Variants in ACTN2 observed in about 807,000 individuals in gnomAD.
ACTN2 encodes actinin alpha 2.
A neutral mutation model predicts 113.8 loss-of-function variants in ACTN2; 39 were observed. That is an observed-to-expected ratio of 0.34 (90% CI 0.27 to 0.45). ACTN2 has a LOEUF of 0.45. Among genes scored for constraint, ACTN2 ranks in the 20% least tolerant of loss-of-function variants. The probability of loss-of-function intolerance (pLI) is 1.00; values close to 1 mark genes in which losing one functional copy is unlikely to be tolerated. For synonymous variants in ACTN2, 429 were observed against 444.1 expected (o/e 0.97, Z 0.43); for missense variants, 992 against 1,177.9 (o/e 0.84, Z 2.31).
At chr1:236,742,457 C>T (rs976339671) in intron 10 of ACTN2, among the ~76,000 whole-genome samples, 1 of 152,062 alleles carries the variant, frequency 6.6e-6, no homozygotes, top group Admixed American at 6.5e-5. Flanking sequence ...GTAATCCCGG[C>T]TACAGGGGAG....
intron 1 of ACTN2, among the ~76,000 whole-genome samples, chr1:236,704,481 C>A (rs1657767268): frequency 6.6e-6 from 1 of 152,188 alleles, no homozygotes; most frequent in South Asian, 2.1e-4. Context: ...GACTGCCCCC[C>A]TTCAGACACC....
At position 236,762,628 on chromosome 1, in the gene ACTN2, T is replaced by G; in HGVS notation, c.*9T>G. 1 of 1,613,648 alleles carries G rather than the reference T, an allele frequency of 6.2e-7. No individual in the cohort carries two copies. The highest frequency in any genetic ancestry group is 8.5e-7 in the Non-Finnish European group (1 of 1,179,800). On this transcript the variant is annotated 3_prime_UTR_variant, in exon 21 of 21. Coordinates refer to ENST00000366578, the MANE Select transcript of ACTN2 (RefSeq NM_001103.4). ...GGGAGAGCGATCTGTGATGCTGAGCTTCTGTAATCACTCATCCCATCAGAA... is the reference window on the plus strand; with the variant it reads ...GGGAGAGCGATCTGTGATGCTGAGCGTCTGTAATCACTCATCCCATCAGAA...
chr1:236,719,435 G>A (rs955541843), intron 3 of ACTN2, among the ~76,000 whole-genome samples: 2 of 152,144 alleles, frequency 1.3e-5, no homozygotes, highest in East Asian at 1.9e-4. Context: ...TGTCAGCTGC[G>A]GAATGCCGTA....
At chr1:236,709,452 A>G (rs918234748) in intron 1 of ACTN2, among the ~76,000 whole-genome samples, 1 of 150,654 alleles carries the variant, frequency 6.6e-6, no homozygotes, top group African/African-American at 2.4e-5. Flanking sequence ...CAGAAATACA[A>G]TTCGAGTTCT....
rs957177731 is a variant in ACTN2, at chr1:236,686,580, G to T, written c.-94G>T. ...GCGCGAAGGTCACCCCGCGCCCGCC[G>T]CCCGCCGCCCGCCGCCTCCGTGGGT... On this transcript the variant is annotated 5_prime_UTR_variant, in exon 1 of 21. Transcript: ENST00000366578. 6.7e-5 allele frequency: 91 copies of T among 1,348,888 alleles called. 3 individuals are homozygous for T. The Admixed American group carries it at 1.1e-3, about 17-fold the overall frequency. 83.6% of individuals were successfully genotyped at this position (1,348,888 alleles called of 1,614,324 possible).
Position 236,754,911 on chromosome 1 carries a change from C to T in ACTN2, c.1975-108C>T, listed in dbSNP as rs147972685. ...CCGAGTGACACTGGCCGCTGCCTGACGCTGGCCTAGCATCCCATGCAGGGT... is the reference window on the plus strand; with the variant it reads ...CCGAGTGACACTGGCCGCTGCCTGATGCTGGCCTAGCATCCCATGCAGGGT... On this transcript the variant is annotated intron_variant, in intron 16 of 20. Coordinates refer to ENST00000366578, the MANE Select transcript of ACTN2 (RefSeq NM_001103.4). This position sits in a 1 kb window ranked among gnomAD's most constrained non-coding sequence, Gnocchi z 4.9. The T allele has an allele frequency of 3.0e-4, 400 of 1,333,254 alleles. 5 individuals are homozygous for T. In the East Asian group the frequency reaches 8.0e-3, roughly 27 times the overall value. 82.6% of individuals were successfully genotyped at this position (1,333,254 alleles called of 1,614,324 possible).
chr1:236,692,260 T>C (rs1252318771), intron 1 of ACTN2, among the ~76,000 whole-genome samples: 1 of 152,230 alleles, frequency 6.6e-6, no homozygotes, highest in Admixed American at 6.5e-5. Context: ...TAGGCTGTGG[T>C]ATAAATCCAA....
At chr1:236,706,381 C>A (rs148284677) in intron 1 of ACTN2, among the ~76,000 whole-genome samples, 8 of 152,178 alleles carry the variant, frequency 5.3e-5, no homozygotes, top group Non-Finnish European at 7.4e-5. Context: ...AACAAAGATC[C>A]CTGCTTCTCT....
chr1:236,733,320 G>A (rs577920936), intron 7 of ACTN2, among the ~76,000 whole-genome samples: 2 of 152,234 alleles, frequency 1.3e-5, no homozygotes, highest in South Asian at 2.1e-4. Context: ...ATTCACTCAC[G>A]TAGAATTATT....
chr1:236,753,417 C>T (rs766527989), intron 15 of ACTN2, among the ~76,000 whole-genome samples: 7 of 152,074 alleles, frequency 4.6e-5, no homozygotes, highest in African/African-American at 7.2e-5. Context: ...CAGGCATAAC[C>T]GTAACGTTAG....
At chr1:236,750,731 G>A (rs767098024) in intron 14 of ACTN2, among the ~76,000 whole-genome samples, 8 of 152,100 alleles carry the variant, frequency 5.3e-5, no homozygotes, top group Non-Finnish European at 1.2e-4. Context: ...GTTTTCTTTA[G>A]ATATAATGGT....
chr1:236,740,365 C>T (rs1023376605), intron 10 of ACTN2, among the ~76,000 whole-genome samples: 2 of 151,862 alleles, frequency 1.3e-5, no homozygotes, highest in Non-Finnish European at 1.5e-5. Context: ...CCGCCCGCCT[C>T]GGCCTCCCAA....
rs192924545 is a variant in ACTN2, at chr1:236,753,736, T to C, written c.1840-211T>C. On this transcript the variant is annotated intron_variant, in intron 15 of 20. Coordinates refer to ENST00000366578, the MANE Select transcript of ACTN2 (RefSeq NM_001103.4). ...TCAGCAGGCACTTGGTGGCACTAGA[T>C]GGCAGTCAAAGCTAAATCAAGCTCA... Among the ~76,000 whole-genome samples, 875 of 152,134 alleles carry C rather than the reference T, an allele frequency of 5.8e-3. 6 individuals carry two copies. The highest frequency in any genetic ancestry group is 0.021 in the African/African-American group (851 of 41,498).
At chr1:236,693,060 G>C (rs1442889301) in intron 1 of ACTN2, among the ~76,000 whole-genome samples, 1 of 152,110 alleles carries the variant, frequency 6.6e-6, no homozygotes, top group Non-Finnish European at 1.5e-5. Context: ...GATTGGGGGA[G>C]ACGCTTGCAA....
intron 10 of ACTN2, among the ~76,000 whole-genome samples, chr1:236,741,617 C>T (rs890810817): frequency 3.9e-5 from 6 of 152,204 alleles, no homozygotes; most frequent in Non-Finnish European, 8.8e-5. Context: ...CCCATTGGCT[C>T]TTCTTCCAGA....
At chr1:236,727,580 TCAGA>T in intron 5 of ACTN2, 94 bp from the exon 6 acceptor site, 4 of 1,296,618 alleles carry the variant, frequency 3.1e-6, no homozygotes, top group Non-Finnish European at 4.5e-6. Context: ...GTGCATGAAG[TCAGA>T]CAGAAGGAAG....
chr1:236,746,951 C>T (rs985551482), intron 12 of ACTN2, among the ~76,000 whole-genome samples: 10 of 152,154 alleles, frequency 6.6e-5, no homozygotes, highest in Admixed American at 2.0e-4. Context: ...TGATACTCTA[C>T]CCAGTGGTGA....
At chr1:236,726,887 G>A (rs1047951873) in intron 5 of ACTN2, among the ~76,000 whole-genome samples, 1 of 152,190 alleles carries the variant, frequency 6.6e-6, no homozygotes, top group African/African-American at 2.4e-5. Context: ...AAGTCAGAGT[G>A]CCCAGATCTG....
At position 236,762,543 on chromosome 1, in the gene ACTN2, C is replaced by T. The variant is rs368754823; in HGVS notation, c.2609C>T (p.Ser870Leu). 9 of 1,614,044 alleles carry T rather than the reference C, an allele frequency of 5.6e-6. No homozygotes were observed. Among genetic ancestry groups the T allele is most frequent in the African/African-American group, 1.3e-5 (1 of 74,910 alleles). ...QYCIKRMPAY[S>L]GPGSVPGALD... ...TGCATCAAGAGGATGCCCGCCTACT[C>T]GGGCCCAGGCAGTGTGCCTGGTGCA... is the stretch of plus-strand genomic sequence containing the variant. Residue 870 changes from serine to leucine, a missense_variant, in exon 21 of 21, where the codon TCG becomes TTG. Coordinates refer to ENST00000366578, the MANE Select transcript of ACTN2 (RefSeq NM_001103.4).
Sources: allele counts gnomAD v4.1 joint callset (sites outside exome capture counted in the v4.1 genomes callset), GRCh38; gene constraint gnomAD v4.1.1; non-coding constraint Gnocchi (gnomAD v3.1); transcripts MANE v1.5; gene names NCBI Gene and HGNC (gene_info 2026-07-23, HGNC 2026-07-21).